GRAP2: variants seen among roughly 807,000 people sequenced by gnomAD.
GRAP2 encodes GRB2-related adapter protein 2.
In GRAP2, 31 loss-of-function variants were observed where a neutral mutation model predicts 43.5. That is an observed-to-expected ratio of 0.71 (90% confidence interval 0.54 to 0.96). The LOEUF is 0.96. GRAP2 is among the 40% of genes least tolerant of loss of function. The pLI is 0.00. For missense variants in GRAP2, 371 were observed against 424.4 expected (o/e 0.87, Z 1.11); for synonymous variants, 156 against 164.8 (o/e 0.95, Z 0.41).
intron 1 of GRAP2, among the ~76,000 whole-genome samples, chr22:39,915,315 T>G (rs2066595516): frequency 6.6e-6 from 1 of 152,120 alleles, no homozygotes; most frequent in African/African-American, 2.4e-5. Flanking sequence ...CTGCTCAAGG[T>G]AAACACCCAG....
chr22:39,952,684 C>A (rs1489178666), intron 2 of GRAP2, among the ~76,000 whole-genome samples: 2 of 152,180 alleles, frequency 1.3e-5, no homozygotes, highest in Non-Finnish European at 2.9e-5. Context: ...ATGGGACACA[C>A]TTTTATTCCT....
intron 1 of GRAP2, among the ~76,000 whole-genome samples, chr22:39,924,015 G>A (rs1318299483): frequency 6.6e-6 from 1 of 152,172 alleles, no homozygotes; most frequent in Non-Finnish European, 1.5e-5. Flanking sequence ...CTGAACGTAG[G>A]GGGCCAGAAA....
chr22:39,913,226 T>C (rs1346685688), intron 1 of GRAP2, among the ~76,000 whole-genome samples: 1 of 147,822 alleles, frequency 6.8e-6, no homozygotes, highest in African/African-American at 2.5e-5. Context: ...ACAGGGCTGA[T>C]GTTCAGGGAC....
At chr22:39,926,425 T>C (rs2066698911) in intron 1 of GRAP2, among the ~76,000 whole-genome samples, 2 of 146,666 alleles carry the variant, frequency 1.4e-5, no homozygotes, top group South Asian at 4.2e-4. Context: ...CAGATGTCCC[T>C]GAAATTTACA....
chr22:39,938,942 C>A (rs1371351805), intron 1 of GRAP2, among the ~76,000 whole-genome samples: 2 of 152,086 alleles, frequency 1.3e-5, no homozygotes, highest in Non-Finnish European at 2.9e-5. Context: ...AGGCCCCCCT[C>A]GTTCCATGTG....
intron 1 of GRAP2, among the ~76,000 whole-genome samples, chr22:39,906,944 T>C (rs1305169870): frequency 1.3e-5 from 2 of 152,246 alleles, no homozygotes; most frequent in Non-Finnish European, 2.9e-5. Context: ...GGCTGACTTG[T>C]AATTTGAAAT....
At chr22:39,968,435 A>G (rs977651133) in intron 6 of GRAP2, 163 bp downstream of exon 6, 2 of 652,348 alleles carry the variant, frequency 3.1e-6, no homozygotes, top group Admixed American at 2.9e-5. Flanking sequence ...AGACATCTCT[A>G]TGAATTAAAT....
At chr22:39,960,906 G>A (rs920820622) in intron 4 of GRAP2, 1 of 151,900 alleles carries the variant, frequency 6.6e-6, no homozygotes, top group Non-Finnish European at 1.5e-5. Context: ...TTTGATCTAA[G>A]GTAACAGACT....
rs547723924 is a variant in GRAP2, at chr22:39,948,641, C to T, written c.78+1457C>T. Reference sequence around the variant, plus strand: ...CTACACTGGGCGTGCTTCACTTCCTCACTTCCCACTCATTCCACAACTCTC... The same window carrying T: ...CTACACTGGGCGTGCTTCACTTCCTTACTTCCCACTCATTCCACAACTCTC... On this transcript the variant is annotated intron_variant, in intron 2 of 7. Transcript: ENST00000344138. 3.3e-5 allele frequency among the ~76,000 whole-genome samples: 5 copies of T among 152,298 alleles called. 1 individual carries two copies. In the East Asian group the frequency reaches 7.7e-4, roughly 23 times the overall value.
chr22:39,967,994 C>CTGAT (rs1226589165), intron 5 of GRAP2, 48 bp from the exon 6 acceptor site: 1 of 1,581,810 alleles, frequency 6.3e-7, no homozygotes, highest in East Asian at 2.3e-5. Context: ...TAGGGCCAGA[C>CTGAT]GATCAGAGAG....
Position 39,947,159 on chromosome 22 carries a change from G to A in GRAP2, c.53G>A (p.Ser18Asn). 6.3e-7 allele frequency: 1 copy of A among 1,599,244 alleles called. No individual in the cohort carries two copies. Among genetic ancestry groups the A allele is most frequent in the Non-Finnish European group, 8.6e-7 (1 of 1,166,392 alleles). The change falls in exon 2 of 8, where the codon AGC (serine) becomes AAC (asparagine). Residue 18 changes from serine to asparagine, a missense_variant. Transcript: ENST00000344138. ...ACTGCTTCAGGTGAGGATGAACTGA[G>A]CTTTCACACTGGAGATGTTTTGAAG... ...DFTASGEDELSFHTGDVLKIL... is the reference protein window; with the variant it reads ...DFTASGEDELNFHTGDVLKIL...
At chr22:39,912,445 T>C (rs562740966) in intron 1 of GRAP2, among the ~76,000 whole-genome samples, 2 of 152,152 alleles carry the variant, frequency 1.3e-5, no homozygotes, top group Non-Finnish European at 2.9e-5. Flanking sequence ...CTCTTGCCTT[T>C]CTGGGTTCTT....
chr22:39,926,717 A>C (rs182593283), intron 1 of GRAP2: 3 of 985,196 alleles, frequency 3.0e-6, no homozygotes, highest in African/African-American at 3.5e-5. Context: ...TTTTTTTTCC[A>C]CTGGAAATTG....
chr22:39,897,359 T>A (rs764587409), upstream of GRAP2, among the ~76,000 whole-genome samples: 7 of 152,150 alleles, frequency 4.6e-5, no homozygotes, highest in Admixed American at 2.6e-4. Flanking sequence ...ATAAATGATT[T>A]ATTGATGCTA....
chr22:39,947,391 G>C (rs1164526790), intron 2 of GRAP2: 1 of 565,458 alleles, frequency 1.8e-6, no homozygotes, highest in Non-Finnish European at 3.2e-6. Flanking sequence ...CCTTGTCCTG[G>C]GAGGTTCGTA....
intron 1 of GRAP2, among the ~76,000 whole-genome samples, chr22:39,928,966 A>G (rs1197444516): frequency 6.6e-6 from 1 of 152,214 alleles, no homozygotes; most frequent in African/African-American, 2.4e-5. Context: ...TTTAGGTGGC[A>G]TTTGGTGTGG....
chr22:39,923,961 T>C (rs184102526), intron 1 of GRAP2, among the ~76,000 whole-genome samples: 157 of 152,310 alleles, frequency 1.0e-3, no homozygotes, highest in Non-Finnish European at 6.9e-4. Context: ...TCCTCTTTTA[T>C]GAAAAATCCC....
Position 39,970,905 on chromosome 22 carries a change from C to G in GRAP2, c.814C>G (p.Arg272Gly). Residue 272 changes from arginine to glycine, a missense_variant and splice_region_variant, in exon 8 of 8, where the codon CGA (arginine) becomes GGA (glycine). Coordinates refer to ENST00000344138, the MANE Select transcript of GRAP2 (RefSeq NM_004810.4). ...TDPVQLQAAG[R>G]VRWARALYDF... ...GCCTCTTCTGTGCTTCCCCCAACAGCGAGTGCGGTGGGCCCGGGCGCTGTA... is the reference window on the plus strand; with the variant it reads ...GCCTCTTCTGTGCTTCCCCCAACAGGGAGTGCGGTGGGCCCGGGCGCTGTA... The G allele has an allele frequency of 6.3e-7, 1 of 1,597,560 alleles. No homozygotes were observed. Among genetic ancestry groups the G allele is most frequent in the South Asian group, 1.1e-5 (1 of 89,220 alleles).
chr22:39,901,359 T>C (rs2066491416), intron 1 of GRAP2, 29 bp downstream of exon 1: 1 of 780,270 alleles, frequency 1.3e-6, no homozygotes, highest in Admixed American at 2.3e-5. Flanking sequence ...TCTGTACATA[T>C]ACTCTAGAAA....
Sources: allele counts gnomAD v4.1 joint callset (sites outside exome capture counted in the v4.1 genomes callset), GRCh38; gene constraint gnomAD v4.1.1; transcripts MANE v1.5; gene names NCBI Gene and HGNC (gene_info 2026-07-23, HGNC 2026-07-21).